Variants in SLC37A3 observed in about 807,000 individuals in gnomAD.
SLC37A3 encodes the protein solute carrier family 37 member 3, also known as sugar phosphate exchanger 3.
A neutral mutation model predicts 67.1 loss-of-function variants in SLC37A3; 51 were observed. The observed-to-expected ratio is 0.76, with a 90% CI of 0.61 to 0.96. SLC37A3 has a LOEUF of 0.96. Ranked by LOEUF, SLC37A3 falls within the 40% of genes least tolerant of loss-of-function variation. SLC37A3 has a pLI of 0.00. For missense variants in SLC37A3, 508 were observed against 603.0 expected (o/e 0.84, Z 1.65); for synonymous variants, 214 against 231.4 (o/e 0.92, Z 0.68).
intron 1 of SLC37A3, among the ~76,000 whole-genome samples, chr7:140,393,952 C>T (rs929092609): frequency 2.0e-5 from 3 of 152,158 alleles, no homozygotes; most frequent in Non-Finnish European, 4.4e-5. Flanking sequence ...AGACAGACGG[C>T]TTGAGCCCAC....
At chr7:140,357,206 C>G (rs1324398179) in intron 6 of SLC37A3, among the ~76,000 whole-genome samples, 1 of 151,942 alleles carries the variant, frequency 6.6e-6, no homozygotes, top group Non-Finnish European at 1.5e-5. Flanking sequence ...AAGAGCGAAA[C>G]TCTGTCCTGG....
intron 10 of SLC37A3, among the ~76,000 whole-genome samples, chr7:140,346,680 G>A (rs912445138): frequency 1.3e-5 from 2 of 152,188 alleles, no homozygotes; most frequent in Non-Finnish European, 2.9e-5. Context: ...CTGGGGGACT[G>A]CTTGAGGCCA....
chr7:140,373,963 A>C (rs1357956763), intron 3 of SLC37A3, among the ~76,000 whole-genome samples: 1 of 152,214 alleles, frequency 6.6e-6, no homozygotes, highest in East Asian at 1.9e-4. Context: ...GATGTTATTT[A>C]TGTTAATACT....
At chr7:140,382,741 G>C (rs1798306773) in intron 1 of SLC37A3, 145 bp from the exon 2 acceptor site, 1 of 344,664 alleles carries the variant, frequency 2.9e-6, no homozygotes, top group Non-Finnish European at 5.3e-6. Context: ...AACTGGATTA[G>C]TAATTATGTT....
At chr7:140,377,603 T>G (rs1451497571) in intron 3 of SLC37A3, among the ~76,000 whole-genome samples, 1 of 152,236 alleles carries the variant, frequency 6.6e-6, no homozygotes, top group Non-Finnish European at 1.5e-5. Context: ...CTGTGTCTAC[T>G]GAACTCTTTT....
intron 13 of SLC37A3, among the ~76,000 whole-genome samples, chr7:140,342,661 G>A (rs1328591413): frequency 2.2e-5 from 3 of 138,876 alleles, no homozygotes; most frequent in African/African-American, 8.6e-5. Context: ...CTGTCCCAGA[G>A]AAAGTTGAAT....
intron 7 of SLC37A3, 143 bp from the exon 8 acceptor site, chr7:140,352,289 T>G: frequency 1.0e-5 from 7 of 685,198 alleles, no homozygotes; most frequent in African/African-American, 1.8e-5. Flanking sequence ...CCAGAGCTTC[T>G]ACTGGGCCGG....
intron 5 of SLC37A3, 60 bp from the exon 6 acceptor site, chr7:140,358,845 C>T (rs1211125985): frequency 3.4e-5 from 55 of 1,594,410 alleles, no homozygotes; most frequent in Non-Finnish European, 4.5e-5. Context: ...TCAGTGGACG[C>T]CACTCTACCC....
chr7:140,378,452 TC>T, intron 3 of SLC37A3, among the ~76,000 whole-genome samples: 1 of 152,114 alleles, frequency 6.6e-6, no homozygotes, highest in Non-Finnish European at 1.5e-5. Flanking sequence ...GATTTATGAT[TC>T]TGGGCCGGGA....
intron 4 of SLC37A3, among the ~76,000 whole-genome samples, chr7:140,368,107 C>T (rs1036420751): frequency 7.9e-5 from 12 of 152,132 alleles, no homozygotes; most frequent in African/African-American, 2.9e-4. Flanking sequence ...GGCCACCGCG[C>T]CCAGCCCCAC....
Position 140,352,129 on chromosome 7 carries a change from C to T in SLC37A3, c.636G>A (p.Thr212=), listed in dbSNP as rs150436217. Residue 212 remains threonine (T), a synonymous_variant, in exon 8 of 15, where the codon ACG becomes ACA. Transcript: ENST00000326232. ...TCCCACCAGCAAACTGCACAGACGC[C>T]GTCACCAGAAAGGCATACTGGAGGA... ...QYGYEYAFLV[T]ASVQFAGGIV... is the part of the protein sequence containing the mutation. The T allele has an allele frequency of 4.7e-4, 757 of 1,612,660 alleles. 4 individuals are homozygous for T. The highest frequency in any genetic ancestry group is 9.7e-5 in the Non-Finnish European group (114 of 1,179,702).
intron 10 of SLC37A3, among the ~76,000 whole-genome samples, chr7:140,346,652 C>T (rs67078165): frequency 0.086 from 13,139 of 152,298 alleles, 886 homozygotes; most frequent in East Asian, 0.3. Flanking sequence ...ATAATCCCAG[C>T]ACTTTGGGAG....
At chr7:140,372,629 G>A (rs951491245) in intron 3 of SLC37A3, among the ~76,000 whole-genome samples, 8 of 152,114 alleles carry the variant, frequency 5.3e-5, no homozygotes, top group Non-Finnish European at 1.2e-4. Context: ...TTGGGAGGCC[G>A]AGGAGGGCGG....
At chr7:140,348,899 C>G in intron 9 of SLC37A3, 132 bp from the exon 10 acceptor site, 2 of 1,059,566 alleles carry the variant, frequency 1.9e-6, no homozygotes, top group Non-Finnish European at 2.7e-6. Flanking sequence ...AGTTAAACAT[C>G]TCTACAAACT....
intron 3 of SLC37A3, chr7:140,379,487 A>T (rs1798163906): frequency 6.6e-6 from 1 of 152,096 alleles, no homozygotes. Context: ...GAAAAAAAAA[A>T]AAAAAGAAAC....
At chr7:140,347,640 G>A (rs1040725799) in intron 10 of SLC37A3, among the ~76,000 whole-genome samples, 3 of 151,912 alleles carry the variant, frequency 2.0e-5, no homozygotes, top group Non-Finnish European at 4.4e-5. Flanking sequence ...TAACATTATT[G>A]AAGGTTATTA....
At chr7:140,360,666 G>A (rs997849685) in intron 5 of SLC37A3, among the ~76,000 whole-genome samples, 4 of 151,500 alleles carry the variant, frequency 2.6e-5, no homozygotes, top group African/African-American at 9.7e-5. Context: ...TCTGGGAAGT[G>A]GAGGTTGCAG....
chr7:140,368,216 C>A (rs189401450), intron 4 of SLC37A3, among the ~76,000 whole-genome samples: 1 of 152,128 alleles, frequency 6.6e-6, no homozygotes, highest in African/African-American at 2.4e-5. Context: ...TCCCCGCCCT[C>A]GCCTGTTCTC....
chr7:140,345,949 A>C lies in SLC37A3; in HGVS notation c.1046T>G (p.Ile349Ser). ...CGCTCTCTTCTGTAGTACATCAGAG[A>C]TGAAGCCTTGCAAAGTTCCACCTTC... is the stretch of plus-strand genomic sequence containing the variant. ...GIIGGTLQGF[I>S]SDVLQKRAPV... Residue 349 changes from isoleucine to serine, a missense_variant, in exon 11 of 15, where the codon ATC becomes AGC. Transcript: ENST00000326232. 1 of 1,613,858 alleles carries C rather than the reference A, an allele frequency of 6.2e-7. No homozygotes were observed. The highest frequency in any genetic ancestry group is 1.7e-5 in the Admixed American group (1 of 59,992).
Sources: gnomAD v4.1 joint callset for allele counts (sites outside exome capture counted in the v4.1 genomes callset) on GRCh38, gnomAD v4.1.1 for gene constraint, MANE v1.5 for transcripts, NCBI Gene and HGNC (gene_info 2026-07-23, HGNC 2026-07-21) for gene names.